Variants in CPNE4 observed in about 807,000 individuals in gnomAD.
CPNE4 encodes copine-4.
CPNE4 carries 25 observed loss-of-function variants against 67.9 expected under a neutral mutation model. The observed-to-expected ratio is 0.37, with a 90% CI of 0.27 to 0.51. The LOEUF (loss-of-function observed/expected upper bound fraction) is 0.51, where lower values mean the gene tolerates loss of function less well. CPNE4 is among the 20% of genes least tolerant of loss of function. The pLI, the probability that CPNE4 is intolerant of heterozygous loss-of-function variation, is 0.93. For synonymous variants in CPNE4, 242 were observed against 244.9 expected, an observed-to-expected ratio of 0.99 and a Z score of 0.11; for missense variants, 464 against 690.8, an observed-to-expected ratio of 0.67 and a Z score of 3.68.
chr3:132,016,333 T>C (rs2073888901), intron 1 of CPNE4, among the ~76,000 whole-genome samples: 1 of 152,210 alleles, frequency 6.6e-6, no homozygotes, highest in Non-Finnish European at 1.5e-5. Context: ...AGTTTGGAAT[T>C]TCAACCACCG....
chr3:131,567,620 A>T (rs1381499125), intron 10 of CPNE4, among the ~76,000 whole-genome samples: 1 of 151,864 alleles, frequency 6.6e-6, no homozygotes, highest in Non-Finnish European at 1.5e-5. Context: ...TCAACTCTTC[A>T]TTGTCAGGCT....
rs192884108 is a variant in CPNE4 at position 131,885,532 on chromosome 3, T to A, written c.180+19732A>T. On this transcript the variant is annotated intron_variant, in intron 2 of 15. Transcript: ENST00000429747. ...TTGTTTTTCATATTTTAAATTTTTTTTAATTTTTTTATTTTTTTATTATTA... is the reference window on the plus strand; with the variant it reads ...TTGTTTTTCATATTTTAAATTTTTTATAATTTTTTTATTTTTTTATTATTA... Among the ~76,000 whole-genome samples, 1,192 of 151,078 alleles carry A rather than the reference T, an allele frequency of 7.9e-3. 8 individuals are homozygous for A. The highest frequency in any genetic ancestry group is 0.028 in the African/African-American group (1,143 of 41,026).
chr3:131,979,765 T>C (rs938300421), intron 1 of CPNE4, among the ~76,000 whole-genome samples: 10 of 152,038 alleles, frequency 6.6e-5, no homozygotes, highest in Admixed American at 6.6e-4. Context: ...TTTTCCTTTT[T>C]AACTTGTATT....
intron 7 of CPNE4, among the ~76,000 whole-genome samples, chr3:131,665,586 G>A (rs2080237381): frequency 6.6e-6 from 1 of 151,906 alleles, no homozygotes; most frequent in Non-Finnish European, 1.5e-5. Flanking sequence ...TTGAACCTGG[G>A]AGGCAGAGGT....
At chr3:131,696,446 G>A in intron 5 of CPNE4, 96 bp downstream of exon 5, 1 of 1,118,582 alleles carries the variant, frequency 8.9e-7, no homozygotes, top group Non-Finnish European at 1.3e-6. Flanking sequence ...TTGATAATGT[G>A]GGTGGAAAGG....
In CPNE4 at chr3:131,535,302, C is replaced by T. The variant is rs773395113; in HGVS notation, c.1567G>A (p.Val523Met). The T allele has an allele frequency of 8.1e-6, 13 of 1,613,482 alleles. No homozygotes were observed. The highest frequency in any genetic ancestry group is 2.2e-5 in the South Asian group (2 of 90,926). ...ACTTGGTTTGGGACTTCAGCCAGCA[C>T]GCTCTTTGCCAGGGCAGCTGGAGAT... The part of the protein sequence containing the change: ...HASPAALAKS[V>M]LAEVPNQVVD... Residue 523 changes from valine (V) to methionine (M), a missense_variant, in exon 16 of 16, where the codon GTG becomes ATG. Around this residue, in one of 6 missense-constraint regions of CPNE4, gnomAD observed 201 missense variants for 357.7 expected, o/e 0.56. Coordinates refer to ENST00000429747, the MANE Select transcript of CPNE4 (RefSeq NM_130808.3).
intron 2 of CPNE4, among the ~76,000 whole-genome samples, chr3:131,828,930 A>C (rs956999984): frequency 2.6e-5 from 4 of 152,240 alleles, no homozygotes; most frequent in Non-Finnish European, 5.9e-5. Context: ...GTCTGTTTTC[A>C]TACTGCTGAT....
intron 1 of CPNE4, among the ~76,000 whole-genome samples, chr3:132,005,459 C>A (rs1481020042): frequency 6.6e-6 from 1 of 151,026 alleles, no homozygotes; most frequent in Non-Finnish European, 1.5e-5. Context: ...ACTAACACAT[C>A]CTTTTTCTCC....
intron 2 of CPNE4, among the ~76,000 whole-genome samples, chr3:131,812,821 T>C (rs1193600414): frequency 1.3e-5 from 2 of 152,104 alleles, no homozygotes; most frequent in Non-Finnish European, 2.9e-5. Flanking sequence ...GCAGGGAGAA[T>C]ATTTAATGTC....
chr3:131,789,914 T>C (rs546007159), intron 2 of CPNE4, among the ~76,000 whole-genome samples: 2 of 152,240 alleles, frequency 1.3e-5, no homozygotes, highest in African/African-American at 2.4e-5. Flanking sequence ...AAGGATTATA[T>C]GGTGCTGAAG....
At chr3:131,822,989 C>T (rs1481807269) in intron 2 of CPNE4, among the ~76,000 whole-genome samples, 1 of 152,094 alleles carries the variant, frequency 6.6e-6, no homozygotes, top group East Asian at 1.9e-4. Context: ...CAGGCATGTG[C>T]CACCACACCC....
At chr3:131,830,995 T>C (rs1222426351) in intron 2 of CPNE4, among the ~76,000 whole-genome samples, 1 of 152,050 alleles carries the variant, frequency 6.6e-6, no homozygotes, top group Non-Finnish European at 1.5e-5. Context: ...GTTAGAATAA[T>C]TGTTCTAGGT....
chr3:131,823,873 G>A (rs907761739), intron 2 of CPNE4, among the ~76,000 whole-genome samples: 9 of 152,146 alleles, frequency 5.9e-5, no homozygotes, highest in African/African-American at 1.9e-4. Context: ...ATTAAAACTT[G>A]TAACCAGATT....
At chr3:131,938,841 G>T (rs527576601) in intron 1 of CPNE4, among the ~76,000 whole-genome samples, 1 of 152,176 alleles carries the variant, frequency 6.6e-6, no homozygotes, top group East Asian at 1.9e-4. Context: ...AGGTTTATGG[G>T]GAAATTCAAA....
chr3:131,924,544 A>G lies in CPNE4; in HGVS notation c.-1-19100T>C, dbSNP rs116399633. Among the ~76,000 whole-genome samples the G allele has an allele frequency of 7.3e-4, 111 of 152,322 alleles. 1 individual carries two copies. The highest frequency in any genetic ancestry group is 2.5e-3 in the African/African-American group (106 of 41,596). On this transcript the variant is annotated intron_variant, in intron 1 of 15. Transcript: ENST00000429747. ...ATCACTTGGAGATCTTTTAAAAAAA[A>G]TGCTGGCACCTGTGTTTTATCTCAG...
chr3:131,784,796 T>C (rs996422493), intron 2 of CPNE4, among the ~76,000 whole-genome samples: 1 of 152,180 alleles, frequency 6.6e-6, no homozygotes, highest in East Asian at 1.9e-4. Flanking sequence ...TGCCTTAGGC[T>C]CTACTTTGAG....
At chr3:131,721,556 C>T (rs1173167864) in intron 3 of CPNE4, among the ~76,000 whole-genome samples, 4 of 151,976 alleles carry the variant, frequency 2.6e-5, no homozygotes, top group Non-Finnish European at 5.9e-5. Flanking sequence ...CCACCACACC[C>T]GGCTATTTTT....
Position 132,022,434 on chromosome 3 carries a change from A to G in CPNE4, c.-2+12133T>C, listed in dbSNP as rs78438363. On this transcript the variant is annotated intron_variant, in intron 1 of 15. Coordinates refer to ENST00000429747, the MANE Select transcript of CPNE4 (RefSeq NM_130808.3). ...AAGAGTTCCCAGGAGGTGGCCCCTC[A>G]TGGGACAGCACAGATTCCTGCTTGA... is the stretch of plus-strand genomic sequence containing the variant. Among the ~76,000 whole-genome samples, 387 of 152,332 alleles carry G rather than the reference A, an allele frequency of 2.5e-3. 4 individuals are homozygous for G. The highest frequency in any genetic ancestry group is 8.8e-3 in the African/African-American group (364 of 41,576).
chr3:131,877,850 G>T (rs375821589), intron 2 of CPNE4, among the ~76,000 whole-genome samples: 3 of 152,096 alleles, frequency 2.0e-5, no homozygotes, highest in Admixed American at 2.0e-4. Context: ...TCACAAAATA[G>T]GACACCCATA....
Sources: allele counts gnomAD v4.1 joint callset (sites outside exome capture counted in the v4.1 genomes callset), GRCh38; gene constraint gnomAD v4.1.1; regional missense constraint gnomAD v4.1.1; transcripts MANE v1.5; gene names NCBI Gene and HGNC (gene_info 2026-07-23, HGNC 2026-07-21).